Variants in ZNF439 observed in about 807,000 individuals in gnomAD.
ZNF439 encodes zinc finger protein 439.
ZNF439 carries 40 observed loss-of-function variants against 47.3 expected under a neutral mutation model. The observed-to-expected ratio is 0.85, with a 90% CI of 0.66 to 1.10. The LOEUF (loss-of-function observed/expected upper bound fraction) is 1.10. Ranked by LOEUF, ZNF439 falls within the 50% of genes least tolerant of loss-of-function variation. The pLI, the probability that ZNF439 is intolerant of heterozygous loss-of-function variation, is 0.00. For missense variants in ZNF439, 556 were observed against 601.1 expected, an observed-to-expected ratio of 0.93 and a Z score of 0.78; for synonymous variants, 171 against 198.8, an observed-to-expected ratio of 0.86 and a Z score of 1.18.
At position 11,848,878 on chromosome 19, in the gene ZNF439, T is replaced by G; in HGVS notation, c.11T>G (p.Phe4Cys). MPC[F>C]THRSCREDPG... is the part of the protein sequence containing the mutation. Reference sequence around the variant, plus strand: ...TCTGTCACCTGCGCTATGCCCTGCTTTACTCACAGGAGCTGTAGAGAGGAC... The same window carrying G: ...TCTGTCACCTGCGCTATGCCCTGCTGTACTCACAGGAGCTGTAGAGAGGAC... Residue 4 changes from phenylalanine to cysteine, a missense_variant, in exon 1 of 4, where the codon TTT (phenylalanine) becomes TGT (cysteine). Coordinates refer to ENST00000682736, the MANE Select transcript of ZNF439 (RefSeq NM_001348719.2). 1.3e-6 allele frequency: 2 copies of G among 1,570,530 alleles called. No homozygotes were observed. The highest frequency in any genetic ancestry group is 2.2e-5 in the South Asian group (2 of 90,492).
chr19:11,858,089 A>G (rs1467664377), intron 1 of ZNF439: 1 of 152,188 alleles, frequency 6.6e-6, no homozygotes, highest in Non-Finnish European at 1.5e-5. Flanking sequence ...GATAAAGAGA[A>G]ACAGGTTCTC....
intron 1 of ZNF439, chr19:11,857,255 T>C (rs954381379): frequency 5.3e-5 from 8 of 152,236 alleles, no homozygotes; most frequent in African/African-American, 1.9e-4. Flanking sequence ...TTGTCTATTA[T>C]TTCCACAAAA....
chr19:11,868,007 T>C lies in ZNF439; in HGVS notation c.953T>C (p.Val318Ala), dbSNP rs745984980. 1.9e-6 allele frequency: 3 copies of C among 1,614,162 alleles called. No homozygotes were observed. The highest frequency in any genetic ancestry group is 2.5e-6 in the Non-Finnish European group (3 of 1,180,008). Residue 318 changes from valine to alanine, a missense_variant, in exon 4 of 4, where the codon GTT (valine) becomes GCT (alanine). Coordinates refer to ENST00000682736, the MANE Select transcript of ZNF439 (RefSeq NM_001348719.2). ...AAAGCATTCATGTGTCCCCGTTATG[T>C]TCGTAGACATGAAAGGACCCACTCT... The part of the protein sequence containing the change: ...CGKAFMCPRY[V>A]RRHERTHSRK...
chr19:11,856,800 A>G (rs1341578926), intron 1 of ZNF439: 3 of 152,260 alleles, frequency 2.0e-5, no homozygotes, highest in African/African-American at 4.8e-5. Flanking sequence ...TATCTGCTCT[A>G]TCATTACCTA....
At chr19:11,860,524 C>T (rs940770970) in intron 1 of ZNF439, among the ~76,000 whole-genome samples, 4 of 152,152 alleles carry the variant, frequency 2.6e-5, no homozygotes, top group Non-Finnish European at 5.9e-5. Flanking sequence ...AAGCTTTCTT[C>T]GTTCACATCC....
rs1454690981 is a variant in ZNF439 at position 11,868,180 on chromosome 19, AG to A, written c.1127del (p.Arg376AsnfsTer175). ...CTTTTATTCTGCCAAGTCATTTCAA[AG>A]ACATGAAAAAACTCACAGTGGAGAG... ...KGFYSAKSFQ[R>X]HEKTHSGEKP... On this transcript the variant is annotated frameshift_variant, in exon 4 of 4. Transcript: ENST00000682736. LOFTEE classifies it high-confidence loss of function. The A allele has an allele frequency of 5.0e-6, 8 of 1,614,082 alleles. No homozygotes were observed. The highest frequency in any genetic ancestry group is 6.8e-6 in the Non-Finnish European group (8 of 1,180,002).
rs185879621 is a variant in ZNF439 at position 11,855,343 on chromosome 19, A to G, written c.63+6413A>G. On this transcript the variant is annotated intron_variant, in intron 1 of 3. Coordinates refer to ENST00000682736, the MANE Select transcript of ZNF439 (RefSeq NM_001348719.2). Reference sequence around the variant, plus strand: ...GGAACTATGGAAGGGAATCCATTCCATATAGTCAGCACAGGTGGGGCGACT... The same window carrying G: ...GGAACTATGGAAGGGAATCCATTCCGTATAGTCAGCACAGGTGGGGCGACT... 4.4e-3 allele frequency among the ~76,000 whole-genome samples: 671 copies of G among 152,328 alleles called. 5 individuals are homozygous for G. The highest frequency in any genetic ancestry group is 8.0e-3 in the Non-Finnish European group (546 of 68,026).
Position 11,863,176 on chromosome 19 carries a change from G to A in ZNF439, c.64-3029G>A, listed in dbSNP as rs564250958. On this transcript the variant is annotated intron_variant, in intron 1 of 3. Transcript: ENST00000682736. Reference sequence around the variant, plus strand: ...GCTTTTTTTTTTTTTTTTTTTTTGAGTTGTAGTCTGGCTCTCTGGCCCAGG... The same window carrying A: ...GCTTTTTTTTTTTTTTTTTTTTTGAATTGTAGTCTGGCTCTCTGGCCCAGG... 1.4e-3 allele frequency among the ~76,000 whole-genome samples: 112 copies of A among 80,130 alleles called. 1 individual carries two copies. Among genetic ancestry groups the A allele is most frequent in the Non-Finnish European group, 2.1e-3 (86 of 41,598 alleles). 52.6% of individuals were successfully genotyped at this position (80,130 alleles called of 152,430 possible).
At chr19:11,860,816 C>G (rs956590970) in intron 1 of ZNF439, among the ~76,000 whole-genome samples, 1 of 152,152 alleles carries the variant, frequency 6.6e-6, no homozygotes, top group Non-Finnish European at 1.5e-5. Flanking sequence ...AGTAGATAAC[C>G]TCAAGCAGCA....
rs1599330142 is a variant in ZNF439, at chr19:11,869,068, A to T, written c.*499A>T. On this transcript the variant is annotated 3_prime_UTR_variant, in exon 4 of 4. Coordinates refer to ENST00000682736, the MANE Select transcript of ZNF439 (RefSeq NM_001348719.2). ...ACTCATACGAGAGAGAATCCGTATGAATGTAAGGATTGTGGGAAAGCATTC... is the reference window on the plus strand; with the variant it reads ...ACTCATACGAGAGAGAATCCGTATGTATGTAAGGATTGTGGGAAAGCATTC... 4.1e-6 allele frequency: 1 copy of T among 244,830 alleles called. No individual in the cohort carries two copies. Among genetic ancestry groups the T allele is most frequent in the East Asian group, 1.3e-4 (1 of 7,530 alleles). The allele number at this position is 244,830 out of a possible 1,614,324, so 15.2% of individuals were successfully genotyped here. A position where few individuals can be genotyped will look rare whatever the true frequency, so the allele number is the denominator to read the frequency against.
intron 1 of ZNF439, among the ~76,000 whole-genome samples, chr19:11,854,497 C>T (rs530281975): frequency 4.6e-5 from 7 of 152,312 alleles, no homozygotes; most frequent in East Asian, 3.9e-4. Context: ...CAGTGGCTCA[C>T]GCCTGTAATC....
At chr19:11,860,355 T>C (rs955755558) in intron 1 of ZNF439, among the ~76,000 whole-genome samples, 8 of 152,200 alleles carry the variant, frequency 5.3e-5, no homozygotes, top group African/African-American at 1.9e-4. Flanking sequence ...AGAAACTTCC[T>C]GTTCCCAGTA....
chr19:11,858,925 C>T (rs1954793404), intron 1 of ZNF439, among the ~76,000 whole-genome samples: 1 of 152,144 alleles, frequency 6.6e-6, no homozygotes, highest in Non-Finnish European at 1.5e-5. Flanking sequence ...CTCTGATATC[C>T]CATTTTAGGG....
intron 1 of ZNF439, chr19:11,849,205 G>C (rs1976161234): frequency 2.8e-6 from 3 of 1,067,918 alleles, no homozygotes; most frequent in Non-Finnish European, 3.4e-6. Context: ...CGGGGGCCAC[G>C]GGAGGGTCAT....
rs747820502 is a variant in ZNF439, at chr19:11,867,668, G to A, written c.614G>A (p.Ser205Asn). 5 of 1,614,120 alleles carry A rather than the reference G, an allele frequency of 3.1e-6. No individual in the cohort carries two copies. The highest frequency in any genetic ancestry group is 4.2e-6 in the Non-Finnish European group (5 of 1,180,010). The change falls in exon 4 of 4, where the codon AGC becomes AAC. Residue 205 changes from serine (S) to asparagine (N), a missense_variant. Ser to Asn is a conservative substitution (Grantham distance 46). Transcript: ENST00000682736. ...ECGKNIIYHS[S>N]IQRHMVVHSG... The stretch of plus-strand genomic sequence containing the variant: ...GGAAAAAACATTATTTACCATTCAA[G>A]CATTCAAAGACACATGGTAGTGCAC...
chr19:11,851,727 G>A (rs1384252128), intron 1 of ZNF439, among the ~76,000 whole-genome samples: 2 of 151,482 alleles, frequency 1.3e-5, no homozygotes, highest in African/African-American at 2.4e-5. Context: ...GTGCCATCAC[G>A]GCTTACTGCA....
chr19:11,865,088 A>AT (rs1976637330), intron 1 of ZNF439, among the ~76,000 whole-genome samples: 1 of 152,064 alleles, frequency 6.6e-6, no homozygotes, highest in African/African-American at 2.4e-5. Flanking sequence ...CCAAGATGTT[A>AT]TTTTCTAAGA....
chr19:11,860,849 AGTGTAC>A (rs1263097554), intron 1 of ZNF439, among the ~76,000 whole-genome samples: 1 of 152,188 alleles, frequency 6.6e-6, no homozygotes, highest in Non-Finnish European at 1.5e-5. Flanking sequence ...GATTGTCCTC[AGTGTAC>A]CTTCTGGCGG....
intron 1 of ZNF439, among the ~76,000 whole-genome samples, chr19:11,864,046 C>T (rs1033269078): frequency 3.3e-5 from 5 of 152,024 alleles, no homozygotes; most frequent in East Asian, 1.9e-4. Context: ...GCCTCTCTTG[C>T]GATCATATGG....
Sources: gnomAD v4.1 joint callset for allele counts (sites outside exome capture counted in the v4.1 genomes callset) on GRCh38, gnomAD v4.1.1 for gene constraint, MANE v1.5 for transcripts, NCBI Gene and HGNC (gene_info 2026-07-23, HGNC 2026-07-21) for gene names.